NPSR1: variants seen among roughly 807,000 people sequenced by gnomAD.
NPSR1 encodes the protein neuropeptide S receptor.
A neutral mutation model predicts 46.9 loss-of-function variants in NPSR1; 48 were observed. That is an observed-to-expected ratio of 1.02 (90% CI 0.81 to 1.30). The LOEUF (loss-of-function observed/expected upper bound fraction) is 1.30. NPSR1 is among the 50% of genes most tolerant of loss of function. The pLI is 0.00. For synonymous variants in NPSR1, 176 were observed against 168.1 expected (o/e 1.05, Z -0.36); for missense variants, 450 against 449.5 (o/e 1.00, Z -0.01).
At chr7:34,732,051 G>A (rs573940209) in intron 2 of NPSR1, among the ~76,000 whole-genome samples, 1 of 133,630 alleles carries the variant, frequency 7.5e-6, no homozygotes, top group East Asian at 2.2e-4. Flanking sequence ...CGGCATTCCA[G>A]CCTGGGTGAC....
intron 7 of NPSR1, among the ~76,000 whole-genome samples, chr7:34,848,135 G>GT (rs1290675458): frequency 6.6e-6 from 1 of 152,266 alleles, no homozygotes; most frequent in Non-Finnish European, 1.5e-5. Flanking sequence ...GTATTTTGCT[G>GT]TTTTTTCCTG....
In NPSR1 at chr7:34,720,014, G is replaced by T. The variant is rs1783771691; in HGVS notation, c.280+35330G>T. Among the ~76,000 whole-genome samples the T allele has an allele frequency of 2.6e-5, 4 of 151,936 alleles. No individual in the cohort carries two copies. The South Asian group carries it at 8.3e-4, about 32-fold the overall frequency. ...AAAGGAGCCAAGGCCAGGCATGGTG[G>T]CGCACGCCTGTAATCCCAGCACTTT... is the stretch of plus-strand genomic sequence containing the variant. On this transcript the variant is annotated intron_variant, in intron 2 of 8. Transcript: ENST00000360581.
chr7:34,750,444 C>T (rs1785460802), intron 2 of NPSR1: 5 of 742,024 alleles, frequency 6.7e-6, no homozygotes, highest in African/African-American at 1.7e-5. Context: ...TCTGGTGTGA[C>T]GAAGTCATTG....
chr7:34,771,648 A>G (rs1258189689), intron 2 of NPSR1, among the ~76,000 whole-genome samples: 1 of 152,220 alleles, frequency 6.6e-6, no homozygotes, highest in African/African-American at 2.4e-5. Flanking sequence ...AAGACACAAC[A>G]TCAATCTAAA....
At chr7:34,871,271 G>C (rs1791446915) in intron 8 of NPSR1, among the ~76,000 whole-genome samples, 1 of 151,604 alleles carries the variant, frequency 6.6e-6, no homozygotes, top group Non-Finnish European at 1.5e-5. Context: ...ACAACCAGAT[G>C]TCATGTGAAC....
At chr7:34,840,857 C>T (rs1584130248) in intron 6 of NPSR1, among the ~76,000 whole-genome samples, 1 of 152,284 alleles carries the variant, frequency 6.6e-6, no homozygotes, top group African/African-American at 2.4e-5. Flanking sequence ...AACACTGAGA[C>T]ACCTCCTTGG....
chr7:34,876,775 C>T (rs1014480056), intron 8 of NPSR1, among the ~76,000 whole-genome samples: 1 of 152,222 alleles, frequency 6.6e-6, no homozygotes, highest in African/African-American at 2.4e-5. Flanking sequence ...GACCACTTTC[C>T]TACTCAGCCT....
At chr7:34,790,830 T>C (rs1386647980) in intron 3 of NPSR1, among the ~76,000 whole-genome samples, 2 of 136,058 alleles carry the variant, frequency 1.5e-5, no homozygotes, top group Non-Finnish European at 3.1e-5. Context: ...ATAGGTTATA[T>C]GTTATGTTAT....
intron 4 of NPSR1, among the ~76,000 whole-genome samples, chr7:34,826,261 A>C (rs1166217044): frequency 6.6e-6 from 1 of 152,186 alleles, no homozygotes; most frequent in Non-Finnish European, 1.5e-5. Flanking sequence ...TTCTACATGA[A>C]TCTAATATCT....
chr7:34,741,946 G>T (rs1369859942), intron 2 of NPSR1, among the ~76,000 whole-genome samples: 1 of 152,156 alleles, frequency 6.6e-6, no homozygotes. Context: ...ACCAGTTTTT[G>T]CCAGCATTTG....
At chr7:34,734,425 C>G (rs558415104) in intron 2 of NPSR1, among the ~76,000 whole-genome samples, 2 of 152,068 alleles carry the variant, frequency 1.3e-5, no homozygotes, top group Admixed American at 1.3e-4. Flanking sequence ...AGGCAGGCCT[C>G]AACTTCCAGA....
At chr7:34,811,936 AT>A in intron 4 of NPSR1, 73 bp downstream of exon 4, 1 of 910,622 alleles carries the variant, frequency 1.1e-6, no homozygotes, top group Non-Finnish European at 1.8e-6. Flanking sequence ...TTTCACTAAT[AT>A]TTTACTCTTA....
At chr7:34,843,028 A>G in intron 6 of NPSR1, among the ~76,000 whole-genome samples, 1 of 152,014 alleles carries the variant, frequency 6.6e-6, no homozygotes, top group East Asian at 1.9e-4. Flanking sequence ...CCCACGCTGC[A>G]CCCCGCCTTT....
rs1172697401 is a variant in NPSR1, at chr7:34,695,951, A to G, written c.280+11267A>G. 2.0e-5 allele frequency among the ~76,000 whole-genome samples: 3 copies of G among 152,172 alleles called. No homozygotes were observed. The East Asian group carries it at 5.8e-4, about 29-fold the overall frequency. Reference sequence around the variant, plus strand: ...ATTTCACCAAGCAATCTCACTACTGAGTATCTACCCAAAGGAAATGAAATC... The same window carrying G: ...ATTTCACCAAGCAATCTCACTACTGGGTATCTACCCAAAGGAAATGAAATC... On this transcript the variant is annotated intron_variant, in intron 2 of 8. Transcript: ENST00000360581.
At chr7:34,671,326 C>T (rs1319451278) in intron 1 of NPSR1, among the ~76,000 whole-genome samples, 1 of 152,108 alleles carries the variant, frequency 6.6e-6, no homozygotes, top group Non-Finnish European at 1.5e-5. Flanking sequence ...TAAAAGCTTA[C>T]TGTATTTTCT....
At chr7:34,828,819 C>G (rs944223478) in intron 5 of NPSR1, among the ~76,000 whole-genome samples, 1 of 152,174 alleles carries the variant, frequency 6.6e-6, no homozygotes, top group African/African-American at 2.4e-5. Flanking sequence ...GAGTCACAAG[C>G]TGCCCTTGAG....
In NPSR1 at chr7:34,826,887, C is replaced by CAAA. The variant is rs58951477; in HGVS notation, c.479-501_479-499dup. Reference sequence around the variant, plus strand: ...CTTGTAAGTCCACCCATGTTCCTACCAAAAAAAAAAAAAAAGAAAGAAGTT... The same window carrying CAAA: ...CTTGTAAGTCCACCCATGTTCCTACCAAAAAAAAAAAAAAAAAAGAAAGAAGTT... On this transcript the variant is annotated intron_variant, in intron 4 of 8. Transcript: ENST00000360581. Among the ~76,000 whole-genome samples the CAAA allele has an allele frequency of 5.0e-3, 703 of 140,780 alleles. 17 individuals are homozygous for CAAA. Among genetic ancestry groups the CAAA allele is most frequent in the Admixed American group, 0.028 (403 of 14,208 alleles). 92.4% of individuals were successfully genotyped at this position (140,780 alleles called of 152,430 possible).
chr7:34,720,766 G>A (rs1242767440), intron 2 of NPSR1, among the ~76,000 whole-genome samples: 1 of 152,118 alleles, frequency 6.6e-6, no homozygotes, highest in East Asian at 1.9e-4. Flanking sequence ...TGCATGTCAG[G>A]AAAAAGTCTT....
At chr7:34,798,026 A>C (rs1788263857) in intron 3 of NPSR1, among the ~76,000 whole-genome samples, 1 of 152,208 alleles carries the variant, frequency 6.6e-6, no homozygotes, top group African/African-American at 2.4e-5. Context: ...AAAATGCTAA[A>C]AGAAGTTCTT....
Sources: allele counts gnomAD v4.1 joint callset (sites outside exome capture counted in the v4.1 genomes callset), GRCh38; gene constraint gnomAD v4.1.1; transcripts MANE v1.5; gene names NCBI Gene and HGNC (gene_info 2026-07-23, HGNC 2026-07-21).